The following ZNF584 variants were observed in gnomAD, a reference collection of about 807,000 sequenced individuals.
The protein encoded by ZNF584 is zinc finger protein 584.
In ZNF584, 12 loss-of-function variants were observed where a neutral mutation model predicts 14.7. The observed-to-expected ratio is 0.82, with a 90% CI of 0.52 to 1.32. The LOEUF (loss-of-function observed/expected upper bound fraction) is 1.32, where lower values mean the gene tolerates loss of function less well. Ranked by LOEUF, ZNF584 falls within the 40% of genes most tolerant of loss-of-function variation. The probability of loss-of-function intolerance (pLI) is 0.00; values close to 1 mark genes in which losing one functional copy is unlikely to be tolerated. For synonymous variants in ZNF584, 204 were observed against 190.9 expected (o/e 1.07, Z -0.57); for missense variants, 478 against 518.8 (o/e 0.92, Z 0.76).
At chr19:58,405,443 G>C (rs932381861), upstream of ZNF584, 1 of 154,660 alleles carries the variant, frequency 6.5e-6, no homozygotes, top group African/African-American at 2.5e-5. Flanking sequence ...CGGGCGGGGG[G>C]CTGACCCCCC....
chr19:58,409,033 C>G lies in ZNF584; in HGVS notation c.-115C>G. The G allele has an allele frequency of 1.5e-6, 2 of 1,346,106 alleles. No individual in the cohort carries two copies. The highest frequency in any genetic ancestry group is 2.0e-6 in the Non-Finnish European group (2 of 1,015,582). 83.4% of individuals were successfully genotyped at this position (1,346,106 alleles called of 1,614,324 possible). ...GTTCCCTGTCTTCGGACGCATTTCA[C>G]CCGCGCGGGGAGAGCTTCCCGGGAA... On this transcript the variant is annotated 5_prime_UTR_variant, in exon 1 of 4. Transcript: ENST00000306910.
Position 58,409,086 on chromosome 19 carries a change from G to A in ZNF584, c.-62G>A. The A allele has an allele frequency of 6.9e-7, 1 of 1,457,522 alleles. No individual in the cohort carries two copies. Among genetic ancestry groups the A allele is most frequent in the Non-Finnish European group, 9.1e-7 (1 of 1,094,198 alleles). The allele number at this position is 1,457,522 out of a possible 1,614,324, so 90.3% of individuals were successfully genotyped here. A position where few individuals can be genotyped will look rare whatever the true frequency, so the allele number is the denominator to read the frequency against. On this transcript the variant is annotated 5_prime_UTR_variant, in exon 1 of 4. Coordinates refer to ENST00000306910, the MANE Select transcript of ZNF584 (RefSeq NM_173548.3). ...TTCCACGGCGGCCGAGGGTTTCCGC[G>A]CCCGGGACGCGTTTCGGCTGAGGCC...
rs879384201 is a variant in ZNF584, at chr19:58,416,747, C to T, written c.293-64C>T. On this transcript the variant is annotated intron_variant, in intron 3 of 3. Coordinates refer to ENST00000306910, the MANE Select transcript of ZNF584 (RefSeq NM_173548.3). The stretch of plus-strand genomic sequence containing the variant: ...TCCTTCTGGGTGTGTCTGACATGCA[C>T]TGGTGATTAAGGTACCTCCTCCCTC... The T allele has an allele frequency of 3.3e-6, 5 of 1,510,002 alleles. No homozygotes were observed. In the African/African-American group the frequency reaches 5.6e-5, roughly 17 times the overall value. 93.5% of individuals were successfully genotyped at this position (1,510,002 alleles called of 1,614,324 possible). A position where few individuals can be genotyped will look rare whatever the true frequency, so the allele number is the denominator to read the frequency against.
intron 3 of ZNF584, 92 bp downstream of exon 3, chr19:58,415,738 A>G: frequency 6.2e-7 from 1 of 1,611,192 alleles, no homozygotes; most frequent in Non-Finnish European, 8.5e-7. Flanking sequence ...TGTTGAGGGC[A>G]GTGACCATAC....
In ZNF584 at chr19:58,410,561, GTATATATATATGTATATATA is replaced by G. The variant is rs1336933573; in HGVS notation, c.169+472_169+491del. ...TATATATATATATATATATATATGTGTATATATATATGTATATATATGTATATATATGTATATATATGTAT... is the reference window on the plus strand; with the variant it reads ...TATATATATATATATATATATATGTGTGTATATATATGTATATATATGTAT... On this transcript the variant is annotated intron_variant, in intron 2 of 3. Coordinates refer to ENST00000306910, the MANE Select transcript of ZNF584 (RefSeq NM_173548.3). 4.4e-4 allele frequency among the ~76,000 whole-genome samples: 9 copies of G among 20,470 alleles called. 1 individual carries two copies. Among genetic ancestry groups the G allele is most frequent in the Admixed American group, 2.7e-3 (6 of 2,250 alleles). The allele number at this position is 20,470 out of a possible 152,430, so 13.4% of individuals were successfully genotyped here. A position where few individuals can be genotyped will look rare whatever the true frequency, so the allele number is the denominator to read the frequency against.
At position 58,417,855 on chromosome 19, in the gene ZNF584, G is replaced by T; in HGVS notation, c.*71G>T. The T allele has an allele frequency of 6.6e-7, 1 of 1,521,060 alleles. No homozygotes were observed. Among genetic ancestry groups the T allele is most frequent in the Non-Finnish European group, 8.8e-7 (1 of 1,133,636 alleles). 94.2% of individuals were successfully genotyped at this position (1,521,060 alleles called of 1,614,324 possible). A position where few individuals can be genotyped will look rare whatever the true frequency, so the allele number is the denominator to read the frequency against. On this transcript the variant is annotated 3_prime_UTR_variant, in exon 4 of 4. Transcript: ENST00000306910. ...GAGAGTGGCCGTGAGAGTGCCATCC[G>T]AAAGAAGCTAAACCTTGCACATCCC...
In ZNF584 at chr19:58,417,146, G is replaced by A. The variant is rs776302775; in HGVS notation, c.628G>A (p.Gly210Arg). Residue 210 changes from glycine to arginine, a missense_variant, in exon 4 of 4, where the codon GGA (glycine) becomes AGA (arginine). Gly to Arg is a moderately radical substitution (Grantham distance 125, BLOSUM62 -2). Coordinates refer to ENST00000306910, the MANE Select transcript of ZNF584 (RefSeq NM_173548.3). ...AHINPRKIHTGETAHVCNECG... is the reference protein window; with the variant it reads ...AHINPRKIHTRETAHVCNECG... ...TATTAACCCCCGAAAAATTCACACT[G>A]GAGAAACAGCCCATGTGTGTAATGA... 5.0e-6 allele frequency: 8 copies of A among 1,613,782 alleles called. No individual in the cohort carries two copies. The East Asian group carries it at 1.8e-4, about 36-fold the overall frequency.
chr19:58,415,736 G>T (rs910823972), intron 3 of ZNF584, 90 bp downstream of exon 3: 11 of 1,610,780 alleles, frequency 6.8e-6, no homozygotes, highest in Middle Eastern at 1.6e-4. Flanking sequence ...GGTGTTGAGG[G>T]CAGTGACCAT....
Position 58,417,395 on chromosome 19 carries a change from A to G in ZNF584, c.877A>G (p.Ile293Val), listed in dbSNP as rs773694496. The change falls in exon 4 of 4, where the codon ATT becomes GTT. Residue 293 changes from isoleucine to valine, a missense_variant. Around this residue, in one of 3 missense-constraint regions of ZNF584, gnomAD observed 283 missense variants for 317.3 expected, o/e 0.89. Transcript: ENST00000306910. ...CCTCATTCGGCACCGGAAAGTGCAC[A>G]TTGGAGAAAGGCCCTATGAGTGTAC... ...STLIRHRKVH[I>V]GERPYECTEC... 6 of 1,606,204 alleles carry G rather than the reference A, an allele frequency of 3.7e-6. No individual in the cohort carries two copies. The highest frequency in any genetic ancestry group is 2.2e-5 in the East Asian group (1 of 44,670).
chr19:58,410,581 A>G lies in ZNF584; in HGVS notation c.169+490A>G, dbSNP rs1173295956. 7.9e-4 allele frequency among the ~76,000 whole-genome samples: 22 copies of G among 27,896 alleles called. 3 individuals are homozygous for G. Among genetic ancestry groups the G allele is most frequent in the East Asian group, 3.7e-3 (7 of 1,878 alleles). The allele number at this position is 27,896 out of a possible 152,430, so 18.3% of individuals were successfully genotyped here. A position where few individuals can be genotyped will look rare whatever the true frequency, so the allele number is the denominator to read the frequency against. ...TATGTGTATATATATATGTATATAT[A>G]TGTATATATATGTATATATATGTAT... On this transcript the variant is annotated intron_variant, in intron 2 of 3. Transcript: ENST00000306910.
chr19:58,415,450 C>A, intron 2 of ZNF584, 74 bp from the exon 3 acceptor site: 1 of 1,546,618 alleles, frequency 6.5e-7, no homozygotes, highest in Non-Finnish European at 8.8e-7. Context: ...TCCTACCTCA[C>A]TTTCCAAAGT....
rs35188048 is a variant in ZNF584, at chr19:58,412,199, C to CTT, written c.169+2128_169+2129dup. On this transcript the variant is annotated intron_variant, in intron 2 of 3. Transcript: ENST00000306910. ...GTTTCACCATGTTGGCCAGGGTGGT[C>CTT]TTTTTTTTTTTTTTTTTTTTTGAGA... Among the ~76,000 whole-genome samples the CTT allele has an allele frequency of 8.3e-4, 70 of 83,914 alleles. 1 individual carries two copies. The highest frequency in any genetic ancestry group is 1.0e-3 in the Non-Finnish European group (49 of 47,012). 55.1% of individuals were successfully genotyped at this position (83,914 alleles called of 152,430 possible).
At chr19:58,403,915 C>T (rs889878853), upstream of ZNF584, among the ~76,000 whole-genome samples, 5 of 141,042 alleles carry the variant, frequency 3.5e-5, no homozygotes, top group Admixed American at 3.0e-4. Context: ...ACTGTGAGAT[C>T]GTGGCACTGC....
chr19:58,416,955 G>A lies in ZNF584; in HGVS notation c.437G>A (p.Cys146Tyr). The A allele has an allele frequency of 6.2e-7, 1 of 1,612,940 alleles. No homozygotes were observed. The highest frequency in any genetic ancestry group is 2.2e-5 in the East Asian group (1 of 44,882). ...GCAGCTTTCCCACCTGGTTCCAGTT[G>A]TGGGCAACAGCAAGAAGTCCATGTG... ...HGAAFPPGSS[C>Y]GQQQEVHVAE... Residue 146 changes from cysteine to tyrosine, a missense_variant, in exon 4 of 4, where the codon TGT becomes TAT. Transcript: ENST00000306910.
At chr19:58,415,059 A>AT (rs35880668) in intron 2 of ZNF584, among the ~76,000 whole-genome samples, 1 of 151,204 alleles carries the variant, frequency 6.6e-6, no homozygotes, top group African/African-American at 2.4e-5. Flanking sequence ...CATCCGCCTG[A>AT]TTTTTTTGTA....
chr19:58,413,548 C>T (rs2052602550), intron 2 of ZNF584, among the ~76,000 whole-genome samples: 1 of 151,356 alleles, frequency 6.6e-6, no homozygotes, highest in Admixed American at 6.6e-5. Context: ...CTGATGCCTC[C>T]CAGGCTGGAG....
intron 2 of ZNF584, among the ~76,000 whole-genome samples, chr19:58,414,327 G>C (rs944184712): frequency 7.2e-5 from 11 of 151,744 alleles, no homozygotes; most frequent in African/African-American, 2.7e-4. Flanking sequence ...ATCTACTGAG[G>C]CTTGCTTTAT....
Position 58,418,086 on chromosome 19 carries a change from C to A in ZNF584, c.*302C>A. ...CTCCTTGCTCTAAACAGTAGAGAAT[C>A]GTTAATAGTGGAGCCCAAAACAGGC... On this transcript the variant is annotated 3_prime_UTR_variant, in exon 4 of 4. Coordinates refer to ENST00000306910, the MANE Select transcript of ZNF584 (RefSeq NM_173548.3). 1 of 343,170 alleles carries A rather than the reference C, an allele frequency of 2.9e-6. No individual in the cohort carries two copies. Among genetic ancestry groups the A allele is most frequent in the African/African-American group, 2.1e-5 (1 of 48,610 alleles). The allele number at this position is 343,170 out of a possible 1,614,324, so 21.3% of individuals were successfully genotyped here.
intron 1 of ZNF584, among the ~76,000 whole-genome samples, chr19:58,401,881 T>G (rs1245019252): frequency 4.5e-5 from 2 of 44,492 alleles, no homozygotes; most frequent in African/African-American, 9.2e-4. Flanking sequence ...AAAGTGAGAC[T>G]CCTCAAAAAA....
Sources: gnomAD v4.1 joint callset for allele counts (sites outside exome capture counted in the v4.1 genomes callset) on GRCh38, gnomAD v4.1.1 for gene constraint, gnomAD v4.1.1 regional missense constraint, MANE v1.5 for transcripts, NCBI Gene and HGNC (gene_info 2026-07-23, HGNC 2026-07-21) for gene names.